Variants in BICD2 observed in about 807,000 individuals in gnomAD.
BICD2 encodes the protein protein bicaudal D homolog 2.
BICD2 carries 25 observed loss-of-function variants against 72.9 expected under a neutral mutation model. The observed-to-expected ratio is 0.34, with a 90% CI of 0.25 to 0.48. The LOEUF is 0.48. Ranked by LOEUF, BICD2 falls within the 20% of genes least tolerant of loss-of-function variation. The pLI, the probability that BICD2 is intolerant of heterozygous loss-of-function variation, is 0.99. For missense variants in BICD2, 894 were observed against 1,175.2 expected, an observed-to-expected ratio of 0.76 and a Z score of 3.50; for synonymous variants, 501 against 516.1, an observed-to-expected ratio of 0.97 and a Z score of 0.40.
chr9:92,734,183 T>C (rs551230818), intron 1 of BICD2, among the ~76,000 whole-genome samples: 2 of 152,204 alleles, frequency 1.3e-5, no homozygotes, highest in Admixed American at 6.5e-5. Context: ...TAAACTTCCA[T>C]GAATAAGTGA....
intron 1 of BICD2, among the ~76,000 whole-genome samples, chr9:92,731,510 T>C (rs1343196857): frequency 6.8e-6 from 1 of 147,294 alleles, no homozygotes; most frequent in Non-Finnish European, 1.5e-5. Context: ...AACCAGGCAA[T>C]GATAGAATAT....
At chr9:92,715,762 C>T (rs1853298211) in intron 6 of BICD2, among the ~76,000 whole-genome samples, 1 of 152,218 alleles carries the variant, frequency 6.6e-6, no homozygotes, top group South Asian at 2.1e-4. Context: ...GCTCTTTCAG[C>T]TGCATGTAGT....
At position 92,715,004 on chromosome 9, in the gene BICD2, T is replaced by C; in HGVS notation, c.*150A>G. The C allele has an allele frequency of 1.4e-6, 2 of 1,420,840 alleles. No homozygotes were observed. Among genetic ancestry groups the C allele is most frequent in the South Asian group, 1.6e-5 (1 of 64,216 alleles). The allele number at this position is 1,420,840 out of a possible 1,614,324, so 88.0% of individuals were successfully genotyped here. ...CGACACAAAGCTCTCACAAGTGTCC[T>C]GCTGATGCAACGCCCCATGGCGCCT... is the stretch of plus-strand genomic sequence containing the variant. On this transcript the variant is annotated 3_prime_UTR_variant, in exon 7 of 7. Coordinates refer to ENST00000356884, the MANE Select transcript of BICD2 (RefSeq NM_001003800.2).
intron 1 of BICD2, among the ~76,000 whole-genome samples, chr9:92,756,717 G>A (rs1175504): frequency 6.6e-6 from 1 of 151,384 alleles, no homozygotes; most frequent in Non-Finnish European, 1.5e-5. Context: ...AAATACAAAA[G>A]TTAGCCAGAC....
chr9:92,714,785 C>T lies in BICD2; in HGVS notation c.*369G>A, dbSNP rs1467600200. The T allele has an allele frequency of 6.7e-6, 7 of 1,037,366 alleles. No individual in the cohort carries two copies. The highest frequency in any genetic ancestry group is 8.1e-6 in the Non-Finnish European group (7 of 864,352). The allele number at this position is 1,037,366 out of a possible 1,614,324, so 64.3% of individuals were successfully genotyped here. A position where few individuals can be genotyped will look rare whatever the true frequency, so the allele number is the denominator to read the frequency against. ...GAACATGCAAGTCTCAACTCAGGTT[C>T]TGCCCCTTTTGGGTGCTGAGGGAGC... On this transcript the variant is annotated 3_prime_UTR_variant, in exon 7 of 7. Coordinates refer to ENST00000356884, the MANE Select transcript of BICD2 (RefSeq NM_001003800.2).
At chr9:92,727,108 G>A (rs192052976) in intron 2 of BICD2, among the ~76,000 whole-genome samples, 85 of 152,222 alleles carry the variant, frequency 5.6e-4, no homozygotes, top group Admixed American at 4.3e-3. Context: ...ATGTACTGCC[G>A]CTTCAGGATC....
chr9:92,741,323 A>C lies in BICD2; in HGVS notation c.241-12087T>G, dbSNP rs139920175. ...ACCTTAAGAGTTATTCACTGTGATC[A>C]GAAGACCTTGCCCAGGAACATAAAA... On this transcript the variant is annotated intron_variant, in intron 1 of 6. Transcript: ENST00000356884. Among the ~76,000 whole-genome samples, 55 of 152,344 alleles carry C rather than the reference A, an allele frequency of 3.6e-4. No homozygotes were observed. The East Asian group carries it at 5.2e-3, about 14-fold the overall frequency.
In BICD2 at chr9:92,720,156, C is replaced by G; in HGVS notation, c.1062+144G>C. ...TCCTCTATGTGTGCTCCTGGAGTTC[C>G]ATTTACCGTAATGATGCAGGAGATA... On this transcript the variant is annotated intron_variant, in intron 4 of 6. Transcript: ENST00000356884. The surrounding 1 kb of genome is among the most constrained non-coding windows in gnomAD (Gnocchi z 5.4). The G allele has an allele frequency of 1.1e-6, 1 of 893,522 alleles. No homozygotes were observed. 55.3% of individuals were successfully genotyped at this position (893,522 alleles called of 1,614,324 possible).
At chr9:92,746,532 C>CAAA (rs60146380) in intron 1 of BICD2, among the ~76,000 whole-genome samples, 1 of 101,702 alleles carries the variant, frequency 9.8e-6, no homozygotes, top group Non-Finnish European at 2.0e-5. Flanking sequence ...ACTCCGTCTC[C>CAAA]AAAAAAAAAA....
At chr9:92,761,269 C>T (rs554049783) in intron 1 of BICD2, among the ~76,000 whole-genome samples, 9 of 152,272 alleles carry the variant, frequency 5.9e-5, no homozygotes, top group Admixed American at 4.6e-4. Context: ...AGGATAAGAA[C>T]GGGGAGAAGC....
In BICD2 at chr9:92,721,481, A is replaced by G. The variant is rs146682149; in HGVS notation, c.607-726T>C. 2.7e-4 allele frequency among the ~76,000 whole-genome samples: 41 copies of G among 152,386 alleles called. No homozygotes were observed. The East Asian group carries it at 7.5e-3, about 28-fold the overall frequency. On this transcript the variant is annotated intron_variant, in intron 3 of 6. Coordinates refer to ENST00000356884, the MANE Select transcript of BICD2 (RefSeq NM_001003800.2). The stretch of plus-strand genomic sequence containing the variant: ...AAACTGATGCCTGATGTGGAGGCTC[A>G]GAATTTGTGGGCAATTGCTAAAACT...
chr9:92,742,830 G>C (rs1164085620), intron 1 of BICD2, among the ~76,000 whole-genome samples: 1 of 152,058 alleles, frequency 6.6e-6, no homozygotes, highest in Non-Finnish European at 1.5e-5. Flanking sequence ...TTTTGTGACT[G>C]GCCTCTTCAC....
At chr9:92,736,997 C>T (rs1049059100) in intron 1 of BICD2, among the ~76,000 whole-genome samples, 1 of 151,856 alleles carries the variant, frequency 6.6e-6, no homozygotes, top group Non-Finnish European at 1.5e-5. Flanking sequence ...CCCCACCCCA[C>T]CCAAACCCCT....
At chr9:92,715,504 G>A (rs750563570) in intron 6 of BICD2, 41 bp from the exon 7 acceptor site, 40 of 1,544,534 alleles carry the variant, frequency 2.6e-5, no homozygotes, top group Admixed American at 5.4e-5. Context: ...GGGCAGAGCC[G>A]AGCAGAGGAG....
chr9:92,742,374 ATTTCTTTTTTTTTTT>A (rs1440225869), intron 1 of BICD2, among the ~76,000 whole-genome samples: 3 of 146,258 alleles, frequency 2.1e-5, no homozygotes, highest in Non-Finnish European at 4.5e-5. Flanking sequence ...TTAATTCCAC[ATTTCTTTTTTTTTTT>A]TTTCTTTTTT....
At chr9:92,760,364 T>G (rs949910706) in intron 1 of BICD2, among the ~76,000 whole-genome samples, 1 of 152,150 alleles carries the variant, frequency 6.6e-6, no homozygotes, top group Non-Finnish European at 1.5e-5. Context: ...CGCCTCCACA[T>G]GCTGGCAGGG....
intron 1 of BICD2, among the ~76,000 whole-genome samples, chr9:92,761,009 AC>A (rs1854360181): frequency 1.3e-5 from 2 of 151,922 alleles, no homozygotes; most frequent in African/African-American, 2.4e-5. Context: ...TCTGCCAATC[AC>A]CCTATTGCCC....
intron 5 of BICD2, 140 bp downstream of exon 5, chr9:92,718,399 C>A: frequency 5.8e-6 from 6 of 1,042,700 alleles, no homozygotes; most frequent in East Asian, 2.6e-5. Flanking sequence ...GGTAGGCAGT[C>A]GAGCTACTAT....
chr9:92,758,204 AAATAAT>A (rs147701766), intron 1 of BICD2, among the ~76,000 whole-genome samples: 25 of 144,430 alleles, frequency 1.7e-4, no homozygotes, highest in South Asian at 4.4e-4. Context: ...ACTCTGTCTC[AAATAAT>A]AATAATAATA....
Sources: allele counts gnomAD v4.1 joint callset (sites outside exome capture counted in the v4.1 genomes callset), GRCh38; gene constraint gnomAD v4.1.1; non-coding constraint Gnocchi (gnomAD v3.1); transcripts MANE v1.5; gene names NCBI Gene and HGNC (gene_info 2026-07-23, HGNC 2026-07-21).